Variants in ACSL4 observed in about 807,000 individuals in gnomAD.
ACSL4 encodes the protein acyl-CoA synthetase long chain family member 4, also known as long-chain-fatty-acid--CoA ligase 4.
A neutral mutation model predicts 49.1 loss-of-function variants in ACSL4; 9 were observed. The ratio of observed to expected loss-of-function variants is 0.18; its 90% CI spans 0.11 to 0.32. ACSL4 has a LOEUF of 0.32. Among genes scored for constraint, ACSL4 ranks in the 10% least tolerant of loss-of-function variants. The pLI is 1.00. For missense variants in ACSL4, 333 were observed against 493.7 expected (o/e 0.67, Z 3.08); for synonymous variants, 191 against 170.3 (o/e 1.12, Z -0.95).
chrX:109,672,752 C>T (rs186993050), intron 9 of ACSL4, among the ~76,000 whole-genome samples: 10 of 108,216 alleles, frequency 9.2e-5, no homozygotes, highest in African/African-American at 3.4e-4. Flanking sequence ...ATTACTATCT[C>T]GAGGCCGCAA....
rs1206716037 is a variant in ACSL4, at chrX:109,659,999, A to C, written c.1698-488T>G. Among the ~76,000 whole-genome samples, 4 of 111,017 alleles carry C rather than the reference A, an allele frequency of 3.6e-5. No individual in the cohort carries two copies. The South Asian group carries it at 1.5e-3, about 41-fold the overall frequency. ...CTATAAAACTGCTAGAAAAAAAAAA[A>C]CAGAAGAAACACTTTATGAGAATAG... On this transcript the variant is annotated intron_variant, in intron 14 of 15. Coordinates refer to ENST00000672401, the MANE Select transcript of ACSL4 (RefSeq NM_001318510.2).
chrX:109,657,706 T>G (rs1360105711), intron 15 of ACSL4, among the ~76,000 whole-genome samples: 1 of 111,595 alleles, frequency 9.0e-6, no homozygotes, highest in African/African-American at 3.3e-5. Flanking sequence ...ACAGCAGCAT[T>G]ATTTATAATC....
chrX:109,705,640 GC>G (rs1300297020), intron 1 of ACSL4, among the ~76,000 whole-genome samples: 3 of 112,286 alleles, frequency 2.7e-5, no homozygotes, highest in African/African-American at 9.7e-5. Context: ...ACAAATAGAA[GC>G]TATTAAAACA....
intron 15 of ACSL4, among the ~76,000 whole-genome samples, chrX:109,653,130 G>A (rs992042147): frequency 1.8e-5 from 2 of 111,278 alleles, no homozygotes; most frequent in African/African-American, 6.5e-5. Flanking sequence ...CCTGGGGAGA[G>A]GCAGCAATTT....
chrX:109,661,162 T>A (rs1922146571), intron 14 of ACSL4, among the ~76,000 whole-genome samples: 1 of 111,780 alleles, frequency 8.9e-6, no homozygotes, highest in African/African-American at 3.2e-5. Context: ...AGAAAATGGC[T>A]CAATCTCTTA....
chrX:109,648,392 T>A (rs1258196723), intron 15 of ACSL4, among the ~76,000 whole-genome samples: 2 of 111,739 alleles, frequency 1.8e-5, no homozygotes, highest in Non-Finnish European at 3.8e-5. Flanking sequence ...ATAAATGTAA[T>A]CCAGTATATA....
intron 1 of ACSL4, among the ~76,000 whole-genome samples, chrX:109,714,006 G>A (rs1484040806): frequency 8.9e-6 from 1 of 111,828 alleles, no homozygotes; most frequent in African/African-American, 3.3e-5. Flanking sequence ...GGTCCTTTAG[G>A]AGGTATTCCA....
At chrX:109,661,746 A>G (rs776255176) in intron 13 of ACSL4, 101 bp from the exon 14 acceptor site, 151 of 580,321 alleles carry the variant, frequency 2.6e-4, no homozygotes, top group Non-Finnish European at 4.1e-4. Flanking sequence ...TTACAAAACT[A>G]CTTCTTCTAA....
chrX:109,726,641 T>C (rs188197409), intron 1 of ACSL4, among the ~76,000 whole-genome samples: 43 of 111,858 alleles, frequency 3.8e-4, no homozygotes, highest in African/African-American at 1.2e-3. Flanking sequence ...AATTAAAGCT[T>C]CTAATGCATA....
At chrX:109,689,004 T>A (rs768082721) in intron 2 of ACSL4, among the ~76,000 whole-genome samples, 10 of 111,212 alleles carry the variant, frequency 9.0e-5, no homozygotes, top group Non-Finnish European at 1.7e-4. Context: ...CCTCAACAGA[T>A]CCACTTAGGT....
chrX:109,667,095 C>G (rs909033102), intron 11 of ACSL4, among the ~76,000 whole-genome samples: 1 of 112,388 alleles, frequency 8.9e-6, no homozygotes, highest in African/African-American at 3.2e-5. Flanking sequence ...ATGGTATCAC[C>G]ATTGACACAA....
intron 8 of ACSL4, among the ~76,000 whole-genome samples, chrX:109,677,545 G>A (rs949827320): frequency 9.0e-6 from 1 of 110,555 alleles, no homozygotes; most frequent in African/African-American, 3.3e-5. Flanking sequence ...TTGGGAGGCC[G>A]AGGCGGACAG....
chrX:109,731,241 G>C (rs756958113), intron 1 of ACSL4, among the ~76,000 whole-genome samples: 1 of 110,614 alleles, frequency 9.0e-6, no homozygotes, highest in African/African-American at 3.3e-5. Flanking sequence ...ATATGTGTGT[G>C]TGTATACCTA....
chrX:109,654,808 C>T (rs1332200279), intron 15 of ACSL4, among the ~76,000 whole-genome samples: 1 of 112,062 alleles, frequency 8.9e-6, no homozygotes, highest in Non-Finnish European at 1.9e-5. Flanking sequence ...TTCTCCCGCA[C>T]CCTATGCTGC....
chrX:109,659,380 T>C lies in ACSL4; in HGVS notation c.1829A>G (p.Lys610Arg). 1 of 1,209,754 alleles carries C rather than the reference T, an allele frequency of 8.3e-7. No individual in the cohort carries two copies. Among genetic ancestry groups the C allele is most frequent in the Non-Finnish European group, 1.1e-6 (1 of 894,160 alleles). Reference sequence around the variant, plus strand: ...GGCATTTGCAGCTTCTCGAATTTCTTTCAGTATTTCAGCTTCCATAGCAGG... The same window carrying C: ...GGCATTTGCAGCTTCTCGAATTTCTCTCAGTATTTCAGCTTCCATAGCAGG... The part of the protein sequence containing the change: ...NNPAMEAEIL[K>R]EIREAANAMK... Residue 610 changes from lysine to arginine, a missense_variant, in exon 15 of 16, where the codon AAA becomes AGA. Physicochemically the swap from Lys to Arg is conservative, Grantham distance 26. Transcript: ENST00000672401.
At chrX:109,691,372 TA>T (rs1212314869) in intron 2 of ACSL4, among the ~76,000 whole-genome samples, 1 of 112,313 alleles carries the variant, frequency 8.9e-6, no homozygotes, top group Non-Finnish European at 1.9e-5. Context: ...AAAACAATTA[TA>T]AAAGTTCCAA....
At chrX:109,728,164 T>C (rs1205619016) in intron 1 of ACSL4, among the ~76,000 whole-genome samples, 1 of 112,455 alleles carries the variant, frequency 8.9e-6, no homozygotes, top group Non-Finnish European at 1.9e-5. Context: ...ACCTTGAACC[T>C]AATATTTATT....
intron 6 of ACSL4, 95 bp downstream of exon 6, chrX:109,680,891 TCAGTCAAAGAAC>T: frequency 4.6e-6 from 4 of 860,790 alleles, no homozygotes; most frequent in Non-Finnish European, 3.3e-6. Context: ...CTTTTTTTTT[TCAGTCAAAGAAC>T]TTTTGTGGAT....
chrX:109,670,749 C>T (rs1192289904), intron 9 of ACSL4, among the ~76,000 whole-genome samples: 1 of 111,605 alleles, frequency 9.0e-6, no homozygotes, highest in African/African-American at 3.2e-5. Flanking sequence ...CCTCAGCCTG[C>T]CGAGTGCCTG....
Sources: gnomAD v4.1 joint callset for allele counts (sites outside exome capture counted in the v4.1 genomes callset) on GRCh38, gnomAD v4.1.1 for gene constraint, MANE v1.5 for transcripts, NCBI Gene and HGNC (gene_info 2026-07-23, HGNC 2026-07-21) for gene names.